Variants in FHL5 observed in about 807,000 individuals in gnomAD.
FHL5 encodes the protein four and a half LIM domains protein 5.
A neutral mutation model predicts 32.0 loss-of-function variants in FHL5; 33 were observed. The ratio of observed to expected loss-of-function variants is 1.03; its 90% CI spans 0.78 to 1.38. FHL5 has a LOEUF of 1.38. FHL5 is among the 40% of genes most tolerant of loss of function. The pLI, the probability that FHL5 is intolerant of heterozygous loss-of-function variation, is 0.00. For missense variants in FHL5, 336 were observed against 343.9 expected (o/e 0.98, Z 0.18); for synonymous variants, 114 against 113.6 (o/e 1.00, Z -0.02).
chr6:96,603,643 C>T lies in FHL5; in HGVS notation c.30C>T (p.Tyr10=), dbSNP rs768073534. MTTAHFYCQ[Y]CTASLLGKKY... ...CAACTGCTCACTTTTACTGTCAATA[C>T]TGCACAGCATCACTTCTTGGGAAGA... Residue 10 remains tyrosine, a synonymous_variant, in exon 2 of 6, where the codon TAC becomes TAT. Coordinates refer to ENST00000450218, the MANE Select transcript of FHL5 (RefSeq NM_001322466.2). 3.1e-6 allele frequency: 5 copies of T among 1,612,984 alleles called. No homozygotes were observed. In the South Asian group the frequency reaches 3.3e-5, roughly 11 times the overall value.
At chr6:96,605,087 T>C (rs541172704) in intron 3 of FHL5, among the ~76,000 whole-genome samples, 163 bp downstream of exon 3, 1 of 152,360 alleles carries the variant, frequency 6.6e-6, no homozygotes, top group Middle Eastern at 3.4e-3. Flanking sequence ...AAAAAGATTA[T>C]TCATTCATTA....
intron 1 of FHL5, among the ~76,000 whole-genome samples, chr6:96,588,895 C>A (rs1770857306): frequency 6.7e-6 from 1 of 150,204 alleles, no homozygotes; most frequent in Non-Finnish European, 1.5e-5. Flanking sequence ...AAAAAAGTAA[C>A]AACCTTTTCA....
At chr6:96,577,587 G>C (rs1487135242) in intron 1 of FHL5, among the ~76,000 whole-genome samples, 1 of 152,134 alleles carries the variant, frequency 6.6e-6, no homozygotes, top group Admixed American at 6.6e-5. Context: ...AGTAACTTGA[G>C]TTGCCCCAAA....
intron 1 of FHL5, among the ~76,000 whole-genome samples, chr6:96,598,935 A>T (rs1239347747): frequency 6.6e-6 from 1 of 152,224 alleles, no homozygotes; most frequent in African/African-American, 2.4e-5. Flanking sequence ...TGCAAACAAT[A>T]GTATATTAAA....
At chr6:96,566,824 T>C (rs1200232916) in intron 1 of FHL5, among the ~76,000 whole-genome samples, 1 of 151,972 alleles carries the variant, frequency 6.6e-6, no homozygotes, top group Non-Finnish European at 1.5e-5. Flanking sequence ...ATTCAGCTTA[T>C]TTGTCTGCTT....
At chr6:96,568,830 T>A (rs1207552850) in intron 1 of FHL5, among the ~76,000 whole-genome samples, 1 of 151,944 alleles carries the variant, frequency 6.6e-6, no homozygotes, top group Non-Finnish European at 1.5e-5. Flanking sequence ...ATTCCTGATT[T>A]TATTGGGACC....
intron 1 of FHL5, among the ~76,000 whole-genome samples, chr6:96,577,950 A>G (rs1268678297): frequency 1.3e-5 from 2 of 151,974 alleles, no homozygotes; most frequent in Non-Finnish European, 1.5e-5. Context: ...TCAAAAAAAA[A>G]AAAAAAAAGT....
At chr6:96,572,420 T>C (rs1318129518) in intron 1 of FHL5, among the ~76,000 whole-genome samples, 1 of 152,064 alleles carries the variant, frequency 6.6e-6, no homozygotes, top group Non-Finnish European at 1.5e-5. Flanking sequence ...CACCTCCACT[T>C]GACCCCACAG....
Position 96,605,932 on chromosome 6 carries a change from A to C in FHL5, c.365A>C (p.Tyr122Ser). ...GSRKMEFKGN[Y>S]WHETCFVCEN... ...CGCAAAATGGAATTTAAGGGAAACTACTGGCATGAAACCTGTTTTGTGTGT... is the reference window on the plus strand; with the variant it reads ...CGCAAAATGGAATTTAAGGGAAACTCCTGGCATGAAACCTGTTTTGTGTGT... Residue 122 changes from tyrosine to serine, a missense_variant, in exon 4 of 6, where the codon TAC (tyrosine) becomes TCC (serine). Transcript: ENST00000450218. The C allele has an allele frequency of 1.9e-6, 3 of 1,614,126 alleles. No individual in the cohort carries two copies. Among genetic ancestry groups the C allele is most frequent in the Non-Finnish European group, 2.5e-6 (3 of 1,179,982 alleles).
Position 96,616,441 on chromosome 6 carries a change from GATC to G in FHL5, c.*672_*674del, listed in dbSNP as rs1771523162. On this transcript the variant is annotated 3_prime_UTR_variant, in exon 6 of 6. Coordinates refer to ENST00000450218, the MANE Select transcript of FHL5 (RefSeq NM_001322466.2). ...TCATAATCTGCATAGGTATAAAGAG[GATC>G]ATTTCTACCTAGGGATAGCCAAAGC... The G allele has an allele frequency of 6.6e-6, 1 of 152,134 alleles. No individual in the cohort carries two copies. Among genetic ancestry groups the G allele is most frequent in the Admixed American group, 6.5e-5 (1 of 15,274 alleles). 9.4% of individuals were successfully genotyped at this position (152,134 alleles called of 1,614,324 possible).
At chr6:96,597,671 G>T (rs191862645) in intron 1 of FHL5, among the ~76,000 whole-genome samples, 110 of 152,190 alleles carry the variant, frequency 7.2e-4, no homozygotes, top group African/African-American at 2.5e-3. Context: ...CTCATGCTCT[G>T]CAAGCCATTT....
At chr6:96,583,343 T>C (rs1426886985) in intron 1 of FHL5, among the ~76,000 whole-genome samples, 1 of 152,168 alleles carries the variant, frequency 6.6e-6, no homozygotes, top group Non-Finnish European at 1.5e-5. Flanking sequence ...CCATCTGGCC[T>C]AGTTTACAGA....
intron 1 of FHL5, among the ~76,000 whole-genome samples, chr6:96,593,005 A>G (rs1215727077): frequency 6.6e-6 from 1 of 151,826 alleles, no homozygotes; most frequent in Non-Finnish European, 1.5e-5. Flanking sequence ...TCTCATTCTC[A>G]TTCTATCATC....
At position 96,581,519 on chromosome 6, in the gene FHL5, G is replaced by A. The variant is rs530386186; in HGVS notation, c.-13+18164G>A. On this transcript the variant is annotated intron_variant, in intron 1 of 5. Coordinates refer to ENST00000450218, the MANE Select transcript of FHL5 (RefSeq NM_001322466.2). Reference sequence around the variant, plus strand: ...GCTGATCAATGTGTGTTACAGATGGGGCCTGTGTTACAGGTTTCATCCTTC... The same window carrying A: ...GCTGATCAATGTGTGTTACAGATGGAGCCTGTGTTACAGGTTTCATCCTTC... 4.6e-5 allele frequency among the ~76,000 whole-genome samples: 7 copies of A among 152,218 alleles called. No individual in the cohort carries two copies. In the South Asian group the frequency reaches 1.5e-3, roughly 32 times the overall value.
chr6:96,603,634 C>G lies in FHL5; in HGVS notation c.21C>G (p.Tyr7Ter). Residue 7 changes from tyrosine (Y) to a stop codon, truncating the protein, a stop_gained, in exon 2 of 6, where the codon TAC (tyrosine) becomes TAG (stop). Transcript: ENST00000450218. LOFTEE classifies it high-confidence loss of function. The stretch of plus-strand genomic sequence containing the variant: ...CCAAAATGACAACTGCTCACTTTTA[C>G]TGTCAATACTGCACAGCATCACTTC... MTTAHF[Y>*]CQYCTASLLG... 6.2e-7 allele frequency: 1 copy of G among 1,611,822 alleles called. No individual in the cohort carries two copies. Among genetic ancestry groups the G allele is most frequent in the Non-Finnish European group, 8.5e-7 (1 of 1,179,282 alleles).
At chr6:96,609,621 G>C (rs1308893509) in intron 4 of FHL5, among the ~76,000 whole-genome samples, 18 of 152,202 alleles carry the variant, frequency 1.2e-4, no homozygotes, top group Non-Finnish European at 2.9e-5. Flanking sequence ...TTATTCCATT[G>C]AGTTCTAATT....
At chr6:96,582,626 C>G (rs982843816) in intron 1 of FHL5, among the ~76,000 whole-genome samples, 2 of 151,984 alleles carry the variant, frequency 1.3e-5, no homozygotes, top group Non-Finnish European at 2.9e-5. Flanking sequence ...AGTAGTTCAT[C>G]AGCTCTCTGG....
intron 1 of FHL5, among the ~76,000 whole-genome samples, chr6:96,589,563 T>C (rs1230067998): frequency 6.6e-6 from 1 of 152,050 alleles, no homozygotes; most frequent in Non-Finnish European, 1.5e-5. Flanking sequence ...TTCGTAGGAC[T>C]TCTTCACATG....
intron 5 of FHL5, 22 bp downstream of exon 5, chr6:96,610,780 G>T: frequency 6.5e-7 from 1 of 1,545,942 alleles, no homozygotes. Context: ...AGTTCAATAT[G>T]ATCATGCCAT....
Sources: gnomAD v4.1 joint callset for allele counts (sites outside exome capture counted in the v4.1 genomes callset) on GRCh38, gnomAD v4.1.1 for gene constraint, MANE v1.5 for transcripts, NCBI Gene and HGNC (gene_info 2026-07-23, HGNC 2026-07-21) for gene names.